CDK6: variants seen among roughly 807,000 people sequenced by gnomAD.
The protein encoded by CDK6 is cyclin dependent kinase 6.
In CDK6, 6 loss-of-function variants were observed where a neutral mutation model predicts 37.1. That is an observed-to-expected ratio of 0.16 (90% CI 0.09 to 0.32). CDK6 has a LOEUF of 0.32. Among genes scored for constraint, CDK6 ranks in the 10% least tolerant of loss-of-function variants. CDK6 has a pLI of 1.00. For missense variants in CDK6, 224 were observed against 418.9 expected (o/e 0.53, Z 4.06); for synonymous variants, 160 against 161.3 (o/e 0.99, Z 0.06).
intron 5 of CDK6, among the ~76,000 whole-genome samples, chr7:92,667,436 G>C (rs1796982718): frequency 6.6e-6 from 1 of 152,168 alleles, no homozygotes; most frequent in Non-Finnish European, 1.5e-5. Context: ...AAACTCAAGT[G>C]ATCCTCCTGC....
In CDK6 at chr7:92,605,160, C is replaced by T; in HGVS notation, c.*9980G>A. 4.3e-6 allele frequency: 1 copy of T among 233,058 alleles called. No homozygotes were observed. The highest frequency in any genetic ancestry group is 1.3e-3 in the Middle Eastern group (1 of 780). The allele number at this position is 233,058 out of a possible 1,614,324, so 14.4% of individuals were successfully genotyped here. ...TCAATTTAGCTTTCACATAAGTGAA[C>T]ACATTGGACAGTGATATTTCAACAC... On this transcript the variant is annotated 3_prime_UTR_variant, in exon 8 of 8. Coordinates refer to ENST00000424848, the MANE Select transcript of CDK6 (RefSeq NM_001145306.2).
At chr7:92,681,932 A>G (rs1208114102) in intron 4 of CDK6, among the ~76,000 whole-genome samples, 1 of 152,166 alleles carries the variant, frequency 6.6e-6, no homozygotes, top group East Asian at 1.9e-4. Flanking sequence ...TGCTACCAGT[A>G]TCTCAAATTC....
At chr7:92,619,564 G>T (rs890923433) in intron 6 of CDK6, among the ~76,000 whole-genome samples, 2 of 151,592 alleles carry the variant, frequency 1.3e-5, no homozygotes, top group African/African-American at 4.8e-5. Flanking sequence ...CCCAGGAAGA[G>T]GTGTTCTTAT....
chr7:92,684,498 C>G (rs1797405091), intron 4 of CDK6, among the ~76,000 whole-genome samples: 1 of 152,000 alleles, frequency 6.6e-6, no homozygotes, highest in South Asian at 2.1e-4. Flanking sequence ...TTTGCCTACC[C>G]ACAATGTTCT....
intron 2 of CDK6, among the ~76,000 whole-genome samples, chr7:92,810,058 C>T (rs939841774): frequency 6.6e-6 from 1 of 152,196 alleles, no homozygotes; most frequent in Non-Finnish European, 1.5e-5. Context: ...AATAACACTA[C>T]TTAACACTGT....
chr7:92,742,011 A>G (rs961390949), intron 3 of CDK6, among the ~76,000 whole-genome samples: 1 of 152,172 alleles, frequency 6.6e-6, no homozygotes, highest in African/African-American at 2.4e-5. Context: ...ATTATTGGAA[A>G]AGTAAAAGCT....
rs944974919 is a variant in CDK6, at chr7:92,721,084, G to A, written c.537+4542C>T. On this transcript the variant is annotated intron_variant, in intron 4 of 7. Transcript: ENST00000424848. ...AACTTTTCTGATAAAAATAACCCAT[G>A]CCAGGTGTTAAATATAACAGGCCCC... 3.3e-5 allele frequency among the ~76,000 whole-genome samples: 5 copies of A among 152,096 alleles called. 1 individual carries two copies. Among genetic ancestry groups the A allele is most frequent in the African/African-American group, 1.2e-4 (5 of 41,400 alleles).
chr7:92,804,291 C>A (rs1252944088), intron 2 of CDK6, among the ~76,000 whole-genome samples: 3 of 152,160 alleles, frequency 2.0e-5, no homozygotes, highest in African/African-American at 7.2e-5. Context: ...CTTTTTTAAA[C>A]CCCTGATTCC....
intron 5 of CDK6, among the ~76,000 whole-genome samples, chr7:92,670,059 G>C (rs1396013900): frequency 6.6e-6 from 1 of 152,050 alleles, no homozygotes; most frequent in African/African-American, 2.4e-5. Context: ...TTTTCTCCCC[G>C]CTCCTTGGGA....
At chr7:92,649,036 A>C (rs894059641) in intron 5 of CDK6, among the ~76,000 whole-genome samples, 1 of 152,124 alleles carries the variant, frequency 6.6e-6, no homozygotes. Flanking sequence ...TTTAAGAGGC[A>C]TATCTTGAAA....
At chr7:92,629,817 C>A (rs1796013092) in intron 5 of CDK6, among the ~76,000 whole-genome samples, 1 of 152,028 alleles carries the variant, frequency 6.6e-6, no homozygotes, top group South Asian at 2.1e-4. Context: ...GGGTGGAAAG[C>A]CTGAGATCAG....
At chr7:92,804,564 C>G (rs1250768144) in intron 2 of CDK6, among the ~76,000 whole-genome samples, 2 of 152,124 alleles carry the variant, frequency 1.3e-5, no homozygotes, top group Non-Finnish European at 2.9e-5. Context: ...ATTAGGAGTG[C>G]TAATTATATG....
At chr7:92,641,350 T>G (rs1796301030) in intron 5 of CDK6, among the ~76,000 whole-genome samples, 1 of 152,216 alleles carries the variant, frequency 6.6e-6, no homozygotes. Flanking sequence ...TTTATTTATA[T>G]CAGCATGGAC....
chr7:92,688,407 T>C (rs1481623113), intron 4 of CDK6, among the ~76,000 whole-genome samples: 6 of 152,220 alleles, frequency 3.9e-5, no homozygotes, highest in Admixed American at 1.3e-4. Context: ...GTCTGTCATT[T>C]GTGACTAACA....
intron 3 of CDK6, among the ~76,000 whole-genome samples, chr7:92,747,732 T>C (rs1015535829): frequency 4.6e-5 from 7 of 152,232 alleles, no homozygotes; most frequent in East Asian, 1.9e-4. Context: ...AACTGCCTTA[T>C]GTGGTGGCTA....
chr7:92,655,398 C>T (rs908707141), intron 5 of CDK6, among the ~76,000 whole-genome samples: 1 of 152,122 alleles, frequency 6.6e-6, no homozygotes, highest in African/African-American at 2.4e-5. Context: ...TGAAACATGT[C>T]TAAGTTCAGT....
At chr7:92,817,397 TA>T (rs1426086637) in intron 2 of CDK6, among the ~76,000 whole-genome samples, 2 of 151,798 alleles carry the variant, frequency 1.3e-5, no homozygotes, top group Non-Finnish European at 2.9e-5. Context: ...ACAGAGTTTT[TA>T]AAAAAATAAT....
At chr7:92,632,151 C>T (rs1442017260) in intron 5 of CDK6, among the ~76,000 whole-genome samples, 1 of 152,038 alleles carries the variant, frequency 6.6e-6, no homozygotes, top group Non-Finnish European at 1.5e-5. Flanking sequence ...CACCTCTATG[C>T]TCACACACCT....
At chr7:92,772,342 A>T (rs879902504) in intron 3 of CDK6, among the ~76,000 whole-genome samples, 14 of 152,230 alleles carry the variant, frequency 9.2e-5, no homozygotes, top group Non-Finnish European at 1.8e-4. Context: ...TTACTATGAA[A>T]ACATCAATAC....
Sources: gnomAD v4.1 joint callset for allele counts (sites outside exome capture counted in the v4.1 genomes callset) on GRCh38, gnomAD v4.1.1 for gene constraint, MANE v1.5 for transcripts, NCBI Gene and HGNC (gene_info 2026-07-23, HGNC 2026-07-21) for gene names.